The following DNMT1 variants were observed in gnomAD, a reference collection of about 807,000 sequenced individuals.
The protein encoded by DNMT1 is DNA methyltransferase 1.
In DNMT1, 24 loss-of-function variants were observed where a neutral mutation model predicts 205.3. The observed-to-expected ratio is 0.12, with a 90% CI of 0.08 to 0.16. DNMT1 has a LOEUF of 0.16. DNMT1 is among the 10% of genes least tolerant of loss of function. The pLI, the probability that DNMT1 is intolerant of heterozygous loss-of-function variation, is 1.00. For synonymous variants in DNMT1, 817 were observed against 839.8 expected (o/e 0.97, Z 0.47); for missense variants, 1,293 against 2,177.7 (o/e 0.59, Z 8.09).
In DNMT1 at chr19:10,146,307, AGCCTGGAGC is replaced by A; in HGVS notation, c.2894+35_2894+43del. 1.2e-6 allele frequency: 2 copies of A among 1,608,906 alleles called. No individual in the cohort carries two copies. Among genetic ancestry groups the A allele is most frequent in the South Asian group, 2.2e-5 (2 of 90,732 alleles). On this transcript the variant is annotated intron_variant, in intron 28 of 40. Transcript: ENST00000359526. This position sits in a 1 kb window ranked among gnomAD's most constrained non-coding sequence, Gnocchi z 4.4. ...GGACACCACAAAGCCAGCCTGGCTCAGCCTGGAGCGCCCTGGCCCCGGCTGCTCCGAGGG... is the reference window on the plus strand; with the variant it reads ...GGACACCACAAAGCCAGCCTGGCTCAGCCCTGGCCCCGGCTGCTCCGAGGG...
At chr19:10,139,525 C>T (rs2089559692) in intron 34 of DNMT1, 151 bp downstream of exon 34, 2 of 1,359,564 alleles carry the variant, frequency 1.5e-6, no homozygotes, top group Middle Eastern at 2.5e-4. Context: ...TCTCCCCTGA[C>T]TCCGCCAGTG....
Position 10,173,764 on chromosome 19 carries a change from T to C in DNMT1, c.683+107A>G, listed in dbSNP as rs2038874886. 4 of 1,252,430 alleles carry C rather than the reference T, an allele frequency of 3.2e-6. No homozygotes were observed. In the South Asian group the frequency reaches 4.8e-5, roughly 15 times the overall value. 77.6% of individuals were successfully genotyped at this position (1,252,430 alleles called of 1,614,324 possible). ...ATCTTGGCCTCCCAAAGTGCTGAGA[T>C]TACAGGCATGAGTCACCGTGCCCGG... On this transcript the variant is annotated intron_variant, in intron 8 of 40. Coordinates refer to ENST00000359526, the MANE Select transcript of DNMT1 (RefSeq NM_001130823.3).
chr19:10,182,370 T>C (rs1307137982), intron 1 of DNMT1, among the ~76,000 whole-genome samples: 1 of 145,818 alleles, frequency 6.9e-6, no homozygotes, highest in Non-Finnish European at 1.5e-5. Context: ...TGTGTGTGTG[T>C]GTGTATATAT....
In DNMT1 at chr19:10,133,620, T is replaced by A. The variant is rs751646784; in HGVS notation, c.*47A>T. 3 of 1,576,918 alleles carry A rather than the reference T, an allele frequency of 1.9e-6. No individual in the cohort carries two copies. Among genetic ancestry groups the A allele is most frequent in the Non-Finnish European group, 2.6e-6 (3 of 1,158,510 alleles). ...ATGTTAAAAACACAACATCAGTGCA[T>A]GTTGGGGATTCCTGGTGCCAGAAAC... On this transcript the variant is annotated 3_prime_UTR_variant, in exon 41 of 41. Transcript: ENST00000359526. This position sits in a 1 kb window ranked among gnomAD's most constrained non-coding sequence, Gnocchi z 4.1.
Position 10,146,702 on chromosome 19 carries a change from G to C in DNMT1, c.2721-178C>G, listed in dbSNP as rs768296115. On this transcript the variant is annotated intron_variant, in intron 27 of 40. Transcript: ENST00000359526. This position sits in a 1 kb window ranked among gnomAD's most constrained non-coding sequence, Gnocchi z 4.4. ...GTTGACATTTTGAAGGCACTTATTT[G>C]AGACCAAAGCCCAGAGAGAACATAG... 1.3e-5 allele frequency among the ~76,000 whole-genome samples: 2 copies of C among 152,160 alleles called. No individual in the cohort carries two copies. Among genetic ancestry groups the C allele is most frequent in the African/African-American group, 2.4e-5 (1 of 41,428 alleles).
Position 10,154,547 on chromosome 19 carries a change from G to A in DNMT1, c.1832+39C>T, listed in dbSNP as rs753889175. On this transcript the variant is annotated intron_variant, in intron 21 of 40. Transcript: ENST00000359526. This position sits in a 1 kb window ranked among gnomAD's most constrained non-coding sequence, Gnocchi z 6.3. The stretch of plus-strand genomic sequence containing the variant: ...ATGTGGGCCATGCTCTACCCTCCCC[G>A]GTCTCCAGTCTTCACTCTGGTCCCT... 1.2e-5 allele frequency: 19 copies of A among 1,613,562 alleles called. No individual in the cohort carries two copies. The highest frequency in any genetic ancestry group is 8.3e-5 in the Admixed American group (5 of 59,966).
At chr19:10,185,963 A>G (rs2039171287) in intron 1 of DNMT1, among the ~76,000 whole-genome samples, 1 of 152,082 alleles carries the variant, frequency 6.6e-6, no homozygotes, top group African/African-American at 2.4e-5. Flanking sequence ...GCCTTAAGTC[A>G]GGAGGGCTAC....
At chr19:10,153,090 A>C (rs1235661224) in intron 22 of DNMT1, among the ~76,000 whole-genome samples, 1 of 152,180 alleles carries the variant, frequency 6.6e-6, no homozygotes, top group Non-Finnish European at 1.5e-5. Context: ...AGTTGGTAGA[A>C]CCATTTTGGA....
At chr19:10,141,866 C>G in intron 30 of DNMT1, 162 bp downstream of exon 30, 2 of 761,332 alleles carry the variant, frequency 2.6e-6, no homozygotes, top group South Asian at 3.7e-5. Context: ...CCTGCTCAGA[C>G]CCCCGTAAAG....
chr19:10,170,560 G>C (rs2038795644), intron 9 of DNMT1, among the ~76,000 whole-genome samples: 1 of 152,078 alleles, frequency 6.6e-6, no homozygotes, highest in African/African-American at 2.4e-5. Context: ...AGGAGAATTT[G>C]TTTGAACGCA....
At chr19:10,155,158 A>G in intron 19 of DNMT1, 102 bp from the exon 20 acceptor site, 5 of 1,481,858 alleles carry the variant, frequency 3.4e-6, no homozygotes, top group Non-Finnish European at 4.6e-6. Context: ...CAACAGTCTA[A>G]AAGTCATCCC....
chr19:10,186,767 G>A (rs1387809681), intron 1 of DNMT1, among the ~76,000 whole-genome samples: 2 of 149,604 alleles, frequency 1.3e-5, no homozygotes, highest in Non-Finnish European at 2.9e-5. Context: ...GAACCCGGGA[G>A]GTGGAGGCTG....
At position 10,187,635 on chromosome 19, in the gene DNMT1, C is replaced by A. The variant is rs78051786; in HGVS notation, c.81-5558G>T. Among the ~76,000 whole-genome samples the A allele has an allele frequency of 5.9e-3, 881 of 149,904 alleles. 18 individuals are homozygous for A. The highest frequency in any genetic ancestry group is 0.034 in the East Asian group (175 of 5,100). ...CTGTACTCCTAGCTGCTCAGGAGGC[C>A]GAGGCGGAAGGATCACTAGAGCCCA... On this transcript the variant is annotated intron_variant, in intron 1 of 40. Transcript: ENST00000359526.
In DNMT1 at chr19:10,140,138, G is replaced by A. The variant is rs761502229; in HGVS notation, c.3714C>T (p.Gly1238=). 6.2e-6 allele frequency: 10 copies of A among 1,613,818 alleles called. No individual in the cohort carries two copies. The highest frequency in any genetic ancestry group is 4.4e-5 in the South Asian group (4 of 91,084). The change falls in exon 33 of 41, where the codon GGC becomes GGT. Residue 1238 remains glycine, a synonymous_variant. Transcript: ENST00000359526. This position sits in a 1 kb window ranked among gnomAD's most constrained non-coding sequence, Gnocchi z 8.4. ...CGCTGAAGCCCTGGCAGGGCGGCCC[G>A]CCGCACAGCATCTCCACGTCTCCCT... ...PQKGDVEMLC[G]GPPCQGFSGM...
At chr19:10,161,210 C>G (rs1176148196) in intron 13 of DNMT1, among the ~76,000 whole-genome samples, 1 of 152,174 alleles carries the variant, frequency 6.6e-6, no homozygotes, top group Non-Finnish European at 1.5e-5. Flanking sequence ...GAGGCTGAGG[C>G]AGGAGAATAG....
intron 12 of DNMT1, chr19:10,163,042 G>T: frequency 9.1e-6 from 5 of 548,350 alleles, no homozygotes; most frequent in Non-Finnish European, 1.6e-5. Flanking sequence ...TTGGCTCACT[G>T]CAACCTCCAC....
chr19:10,187,488 C>T (rs2039212586), intron 1 of DNMT1, among the ~76,000 whole-genome samples: 1 of 151,654 alleles, frequency 6.6e-6, no homozygotes, highest in Non-Finnish European at 1.5e-5. Context: ...ATAGTCTTAG[C>T]TACTCGGGAG....
chr19:10,136,385 T>G lies in DNMT1; in HGVS notation c.4490-98A>C. Reference sequence around the variant, plus strand: ...TTTGGGAGGCAGAGATGGCACCTCCTGTGCAAGGGGCCCCCTGGGGTGGAG... The same window carrying G: ...TTTGGGAGGCAGAGATGGCACCTCCGGTGCAAGGGGCCCCCTGGGGTGGAG... On this transcript the variant is annotated intron_variant, in intron 37 of 40. Coordinates refer to ENST00000359526, the MANE Select transcript of DNMT1 (RefSeq NM_001130823.3). 5 of 1,523,776 alleles carry G rather than the reference T, an allele frequency of 3.3e-6. No individual in the cohort carries two copies. In the South Asian group the frequency reaches 5.9e-5, roughly 18 times the overall value. The allele number at this position is 1,523,776 out of a possible 1,614,324, so 94.4% of individuals were successfully genotyped here. A position where few individuals can be genotyped will look rare whatever the true frequency, so the allele number is the denominator to read the frequency against.
chr19:10,194,703 C>G, intron 1 of DNMT1, 117 bp downstream of exon 1: 1 of 1,373,774 alleles, frequency 7.3e-7, no homozygotes, highest in South Asian at 1.5e-5. Flanking sequence ...GCCGCACCAC[C>G]CCACGCATGC....
Sources: gnomAD v4.1 joint callset for allele counts (sites outside exome capture counted in the v4.1 genomes callset) on GRCh38, gnomAD v4.1.1 for gene constraint, Gnocchi (gnomAD v3.1) non-coding constraint, MANE v1.5 for transcripts, NCBI Gene and HGNC (gene_info 2026-07-23, HGNC 2026-07-21) for gene names.